Variants in EVC observed in about 807,000 individuals in gnomAD.
The protein encoded by EVC is EvC ciliary complex subunit 1, also known as evC complex member EVC.
EVC carries 116 observed loss-of-function variants against 118.9 expected under a neutral mutation model. The ratio of observed to expected loss-of-function variants is 0.98; its 90% CI spans 0.84 to 1.14. EVC has a LOEUF of 1.14. Among genes scored for constraint, EVC ranks in the 50% most tolerant of loss-of-function variants. The probability of loss-of-function intolerance (pLI) is 0.00; values close to 1 mark genes in which losing one functional copy is unlikely to be tolerated. For missense variants in EVC, 1,401 were observed against 1,246.4 expected (o/e 1.12, Z -1.87); for synonymous variants, 619 against 534.7 (o/e 1.16, Z -2.18).
chr4:5,777,760 C>A (rs1355139625), intron 11 of EVC, among the ~76,000 whole-genome samples: 3 of 152,046 alleles, frequency 2.0e-5, no homozygotes, highest in Non-Finnish European at 4.4e-5. Flanking sequence ...TTTATTCTGA[C>A]CAAAGTCAGG....
chr4:5,810,515 G>A (rs1716737415), intron 20 of EVC, 65 bp downstream of exon 20: 2 of 1,270,008 alleles, frequency 1.6e-6, no homozygotes, highest in Non-Finnish European at 2.3e-6. Flanking sequence ...GCTGCTGTGT[G>A]CCAAAAGTCA....
chr4:5,809,304 G>A (rs1018688895), intron 18 of EVC, among the ~76,000 whole-genome samples: 6 of 152,188 alleles, frequency 3.9e-5, no homozygotes, highest in Non-Finnish European at 8.8e-5. Flanking sequence ...GCCAGTGTGA[G>A]TGAGGACCCA....
At chr4:5,778,954 TA>T (rs1560392578) in intron 11 of EVC, among the ~76,000 whole-genome samples, 1 of 152,144 alleles carries the variant, frequency 6.6e-6, no homozygotes. Context: ...GGTTTTCTTC[TA>T]GGGTTTTTAT....
rs9637548 is a variant in EVC, at chr4:5,754,169, G to T, written c.1464+236G>T. On this transcript the variant is annotated intron_variant, in intron 10 of 20. Coordinates refer to ENST00000264956, the MANE Select transcript of EVC (RefSeq NM_153717.3). This position sits in a 1 kb window ranked among gnomAD's most constrained non-coding sequence, Gnocchi z 5.8. ...CTCACTGGGCTGCTGAGAAGAGGAG[G>T]GGGTAGGATCCGTAGAGAGCTTGGC... Among the ~76,000 whole-genome samples, 30,027 of 152,134 alleles carry T rather than the reference G, an allele frequency of 0.2. 3,627 individuals are homozygous for T. The highest frequency in any genetic ancestry group is 0.3 in the Middle Eastern group (88 of 294).
At chr4:5,734,090 C>G (rs13103693) in intron 5 of EVC, among the ~76,000 whole-genome samples, 1 of 152,066 alleles carries the variant, frequency 6.6e-6, no homozygotes, top group Non-Finnish European at 1.5e-5. Flanking sequence ...GAATCAGCCA[C>G]GGACCTGAGC....
intron 5 of EVC, among the ~76,000 whole-genome samples, chr4:5,733,661 G>T (rs1727211444): frequency 6.6e-6 from 1 of 152,160 alleles, no homozygotes; most frequent in Non-Finnish European, 1.5e-5. Flanking sequence ...GAGCTGTAGG[G>T]GCCTCAGCAG....
chr4:5,754,900 T>C lies in EVC; in HGVS notation c.1464+967T>C, dbSNP rs1730930070. ...CACTTGGTACAGCACATCTCAGTTC[T>C]GCCAAGGGGTGGGTGGCACCATGTC... On this transcript the variant is annotated intron_variant, in intron 10 of 20. Coordinates refer to ENST00000264956, the MANE Select transcript of EVC (RefSeq NM_153717.3). This position sits in a 1 kb window ranked among gnomAD's most constrained non-coding sequence, Gnocchi z 5.8. Among the ~76,000 whole-genome samples, 1 of 152,132 alleles carries C rather than the reference T, an allele frequency of 6.6e-6. No individual in the cohort carries two copies. The highest frequency in any genetic ancestry group is 2.1e-4 in the South Asian group (1 of 4,808).
chr4:5,739,201 T>G lies in EVC; in HGVS notation c.703-2515T>G, dbSNP rs186788567. ...GGGAGAGGATGAGGGCTGTAAACAT[T>G]ACTGATTTATTTGGGGTCAGGAAGA... On this transcript the variant is annotated intron_variant, in intron 5 of 20. Coordinates refer to ENST00000264956, the MANE Select transcript of EVC (RefSeq NM_153717.3). Among the ~76,000 whole-genome samples the G allele has an allele frequency of 2.6e-5, 4 of 152,300 alleles. No individual in the cohort carries two copies. The East Asian group carries it at 7.7e-4, about 29-fold the overall frequency.
At chr4:5,785,568 T>A (rs1207828787) in intron 12 of EVC, among the ~76,000 whole-genome samples, 5 of 152,198 alleles carry the variant, frequency 3.3e-5, no homozygotes, top group Non-Finnish European at 7.3e-5. Context: ...CCGAATGAAT[T>A]CTTAGACCTC....
At position 5,767,290 on chromosome 4, in the gene EVC, C is replaced by G. The variant is rs577740825; in HGVS notation, c.1563+10928C>G. Among the ~76,000 whole-genome samples the G allele has an allele frequency of 5.1e-4, 77 of 150,108 alleles. 2 individuals carry two copies. Among genetic ancestry groups the G allele is most frequent in the African/African-American group, 1.9e-3 (77 of 41,022 alleles). ...CTCCAGCTGCATGCTGGGAGAACCA[C>G]TGCTCTCTTCAAAGCTGTCAGACAG... On this transcript the variant is annotated intron_variant, in intron 11 of 20. Coordinates refer to ENST00000264956, the MANE Select transcript of EVC (RefSeq NM_153717.3).
intron 18 of EVC, among the ~76,000 whole-genome samples, chr4:5,809,189 G>A (rs947962555): frequency 4.6e-5 from 7 of 152,222 alleles, no homozygotes; most frequent in African/African-American, 1.7e-4. Context: ...AGCCCAGCCT[G>A]TGGAGTCGGG....
chr4:5,826,080 C>CCA, the EVC span: 5 of 251,640 alleles, frequency 2.0e-5, no homozygotes, highest in South Asian at 4.5e-5. Context: ...GCATACATGC[C>CCA]CACACACACA....
intron 7 of EVC, 105 bp downstream of exon 7, chr4:5,745,446 T>C: frequency 8.0e-7 from 1 of 1,244,756 alleles, no homozygotes; most frequent in Non-Finnish European, 1.2e-6. Flanking sequence ...ATACTTGAAT[T>C]CCCCTATCGC....
At chr4:5,828,613 A>G in the EVC span, 1 of 1,614,106 alleles carries the variant, frequency 6.2e-7, no homozygotes, top group Non-Finnish European at 8.5e-7. Context: ...CTGGCTGATG[A>G]CCACTAGTGG....
chr4:5,754,901 G>A lies in EVC; in HGVS notation c.1464+968G>A, dbSNP rs1730930388. On this transcript the variant is annotated intron_variant, in intron 10 of 20. Coordinates refer to ENST00000264956, the MANE Select transcript of EVC (RefSeq NM_153717.3). This position sits in a 1 kb window ranked among gnomAD's most constrained non-coding sequence, Gnocchi z 5.8. The stretch of plus-strand genomic sequence containing the variant: ...ACTTGGTACAGCACATCTCAGTTCT[G>A]CCAAGGGGTGGGTGGCACCATGTCT... Among the ~76,000 whole-genome samples, 1 of 152,088 alleles carries A rather than the reference G, an allele frequency of 6.6e-6. No homozygotes were observed. The highest frequency in any genetic ancestry group is 1.5e-5 in the Non-Finnish European group (1 of 68,020).
In EVC at chr4:5,783,661, G is replaced by T. The variant is rs775402958; in HGVS notation, c.1673G>T (p.Arg558Met). Reference sequence around the variant, plus strand: ...CCCCCGGAAGAGTGTGACTACTTGAGGCAGGAAGTCCAGGAGAACGCTGCC... The same window carrying T: ...CCCCCGGAAGAGTGTGACTACTTGATGCAGGAAGTCCAGGAGAACGCTGCC... ...GLPPEECDYL[R>M]QEVQENAAWQ... Residue 558 changes from arginine to methionine, a missense_variant, in exon 12 of 21, where the codon AGG becomes ATG. Coordinates refer to ENST00000264956, the MANE Select transcript of EVC (RefSeq NM_153717.3). 1.2e-6 allele frequency: 2 copies of T among 1,614,162 alleles called. No individual in the cohort carries two copies. Among genetic ancestry groups the T allele is most frequent in the Non-Finnish European group, 1.7e-6 (2 of 1,180,026 alleles).
At chr4:5,771,025 A>G (rs571013811) in intron 11 of EVC, among the ~76,000 whole-genome samples, 3 of 150,164 alleles carry the variant, frequency 2.0e-5, no homozygotes, top group Non-Finnish European at 1.5e-5. Flanking sequence ...AAAAAAAAGA[A>G]AAGAAAATAC....
Position 5,749,339 on chromosome 4 carries a change from C to CG in EVC, c.1098+1035dup, listed in dbSNP as rs140145622. On this transcript the variant is annotated intron_variant, in intron 8 of 20. Transcript: ENST00000264956. The surrounding 1 kb of genome is among the most constrained non-coding windows in gnomAD (Gnocchi z 4.4). ...ATTAACACTAACGATAGCTGATGAG[C>CG]GGAAAAAAAAAAAAAAAAAAAGGTC... is the stretch of plus-strand genomic sequence containing the variant. 0.011 allele frequency among the ~76,000 whole-genome samples: 959 copies of CG among 87,178 alleles called. 16 individuals carry two copies. The highest frequency in any genetic ancestry group is 0.02 in the South Asian group (55 of 2,792). The allele number at this position is 87,178 out of a possible 152,430, so 57.2% of individuals were successfully genotyped here.
At chr4:5,824,514 C>G in the EVC span, 4 of 985,300 alleles carry the variant, frequency 4.1e-6, no homozygotes, top group South Asian at 1.9e-4. Context: ...GCCCCTTCCA[C>G]TCTCTCTTTT....
Sources: allele counts gnomAD v4.1 joint callset (sites outside exome capture counted in the v4.1 genomes callset), GRCh38; gene constraint gnomAD v4.1.1; non-coding constraint Gnocchi (gnomAD v3.1); transcripts MANE v1.5; gene names NCBI Gene and HGNC (gene_info 2026-07-23, HGNC 2026-07-21).